The following CD96 variants were observed in gnomAD, a reference collection of about 807,000 sequenced individuals.
CD96 encodes CD96 molecule.
A neutral mutation model predicts 71.3 loss-of-function variants in CD96; 70 were observed. That is an observed-to-expected ratio of 0.98 (90% CI 0.81 to 1.20). The LOEUF (loss-of-function observed/expected upper bound fraction) is 1.20. Among genes scored for constraint, CD96 ranks in the 50% most tolerant of loss-of-function variants. The pLI is 0.00. For missense variants in CD96, 742 were observed against 677.5 expected (o/e 1.10, Z -1.06); for synonymous variants, 248 against 233.0 (o/e 1.06, Z -0.59).
chr3:111,590,182 T>C (rs544171685), intron 5 of CD96, among the ~76,000 whole-genome samples: 2 of 152,344 alleles, frequency 1.3e-5, no homozygotes, highest in Middle Eastern at 3.4e-3. Flanking sequence ...CCAGCACTTA[T>C]TAACTCTGGC....
chr3:111,574,644 C>T (rs1375491785), intron 3 of CD96, among the ~76,000 whole-genome samples: 1 of 152,114 alleles, frequency 6.6e-6, no homozygotes, highest in Non-Finnish European at 1.5e-5. Flanking sequence ...AGCTCCTATA[C>T]ATAATTTAAT....
intron 5 of CD96, among the ~76,000 whole-genome samples, chr3:111,597,802 AT>A (rs1372590040): frequency 6.6e-6 from 1 of 152,094 alleles, no homozygotes; most frequent in Non-Finnish European, 1.5e-5. Context: ...TCCATTTAGT[AT>A]TATTTTATTC....
intron 12 of CD96, among the ~76,000 whole-genome samples, chr3:111,639,246 G>T (rs909366470): frequency 2.0e-5 from 3 of 152,102 alleles, no homozygotes; most frequent in Non-Finnish European, 4.4e-5. Flanking sequence ...AGCCCATCTC[G>T]CCCTCCACCT....
At chr3:111,549,638 GA>G (rs1450389657) in intron 2 of CD96, among the ~76,000 whole-genome samples, 1 of 152,098 alleles carries the variant, frequency 6.6e-6, no homozygotes, top group East Asian at 1.9e-4. Flanking sequence ...GTTTAGATTA[GA>G]AACTTGTGTA....
At chr3:111,624,452 C>A in intron 10 of CD96, 48 bp downstream of exon 10, 1 of 1,016,710 alleles carries the variant, frequency 9.8e-7, no homozygotes, top group Non-Finnish European at 1.6e-6. Flanking sequence ...TTCAGTCATT[C>A]ATCCGACAGA....
intron 12 of CD96, among the ~76,000 whole-genome samples, chr3:111,642,100 G>A (rs1357273862): frequency 6.6e-6 from 1 of 151,990 alleles, no homozygotes; most frequent in Non-Finnish European, 1.5e-5. Flanking sequence ...AGAGAAACAA[G>A]AACAAACTGA....
At position 111,579,227 on chromosome 3, in the gene CD96, G is replaced by A; in HGVS notation, c.744G>A (p.Lys248=). 1.3e-6 allele frequency: 2 copies of A among 1,579,114 alleles called. No individual in the cohort carries two copies. The highest frequency in any genetic ancestry group is 1.7e-6 in the Non-Finnish European group (2 of 1,147,968). ...TCTTGAGGAGCTCCACCACAGTCAA[G>A]GTTTTTGGTAAGGGCTTTTGTTCTA... ...NKILRSSTTV[K]VFAKPEIPVI... is the part of the protein sequence containing the mutation. The change falls in exon 4 of 14, where the codon AAG becomes AAA. Residue 248 remains lysine, a synonymous_variant. Transcript: ENST00000352690.
At chr3:111,567,703 T>C (rs1935786828) in intron 3 of CD96, 56 bp downstream of exon 3, 3 of 1,456,124 alleles carry the variant, frequency 2.1e-6, no homozygotes, top group Admixed American at 1.7e-5. Flanking sequence ...ATTAACGAAG[T>C]AAAATGAATA....
intron 14 of CD96, among the ~76,000 whole-genome samples, chr3:111,659,424 A>G (rs1295351043): frequency 6.6e-6 from 1 of 151,938 alleles, no homozygotes; most frequent in Non-Finnish European, 1.5e-5. Flanking sequence ...TTGGTTTTCT[A>G]TTCTTTTAGG....
chr3:111,615,559 T>G (rs1938188982), intron 8 of CD96, among the ~76,000 whole-genome samples: 1 of 152,210 alleles, frequency 6.6e-6, no homozygotes, highest in Non-Finnish European at 1.5e-5. Flanking sequence ...AGTGGCTGAT[T>G]GACCAGTCTG....
At chr3:111,588,569 C>T (rs1936822100) in intron 5 of CD96, among the ~76,000 whole-genome samples, 1 of 152,222 alleles carries the variant, frequency 6.6e-6, no homozygotes, top group South Asian at 2.1e-4. Context: ...AGTGCCCACT[C>T]TTCTGATACC....
Position 111,652,221 on chromosome 3 carries a change from T to G in CD96, c.*2415T>G, listed in dbSNP as rs908062044. ...CTATACAGCTCAACAACTAGAAAAA[T>G]AAACTGTTTACCTGCCTTAATTATT... On this transcript the variant is annotated 3_prime_UTR_variant, in exon 14 of 14. Coordinates refer to ENST00000352690, the MANE Select transcript of CD96 (RefSeq NM_005816.5). The G allele has an allele frequency of 6.6e-6, 1 of 152,128 alleles. No homozygotes were observed. Among genetic ancestry groups the G allele is most frequent in the South Asian group, 2.1e-4 (1 of 4,828 alleles). The allele number at this position is 152,128 out of a possible 1,614,324, so 9.4% of individuals were successfully genotyped here. A position where few individuals can be genotyped will look rare whatever the true frequency, so the allele number is the denominator to read the frequency against.
rs1935951999 is a variant in CD96, at chr3:111,570,954, C to T, written c.543+3307C>T. ...GTCAAAGTAGGGGGTCTTGAGTGGG[C>T]TGTGCTCTGAGGCCACCAGAGTGAA... On this transcript the variant is annotated intron_variant, in intron 3 of 13. Coordinates refer to ENST00000352690, the MANE Select transcript of CD96 (RefSeq NM_005816.5). 1.0e-5 allele frequency: 16 copies of T among 1,554,842 alleles called. No individual in the cohort carries two copies. The South Asian group carries it at 1.8e-4, about 17-fold the overall frequency.
chr3:111,588,954 CTT>C (rs772858162), intron 5 of CD96, among the ~76,000 whole-genome samples: 12,645 of 135,974 alleles, frequency 0.093, 696 homozygotes, highest in African/African-American at 0.19. Flanking sequence ...CTTTTTTTTT[CTT>C]TTTTTTTTTT....
At chr3:111,618,463 G>A (rs1052181797) in intron 8 of CD96, among the ~76,000 whole-genome samples, 1 of 152,090 alleles carries the variant, frequency 6.6e-6, no homozygotes, top group Non-Finnish European at 1.5e-5. Context: ...TGTCCAGTTT[G>A]AGAAGAAATG....
intron 2 of CD96, among the ~76,000 whole-genome samples, chr3:111,567,050 C>T (rs1421404847): frequency 6.6e-6 from 1 of 152,092 alleles, no homozygotes; most frequent in East Asian, 1.9e-4. Context: ...AGGATGTCCA[C>T]AGTGGGGGAG....
chr3:111,647,394 G>C (rs1403178046), intron 12 of CD96, 149 bp from the exon 13 acceptor site: 1 of 754,634 alleles, frequency 1.3e-6, no homozygotes, highest in Non-Finnish European at 2.4e-6. Flanking sequence ...ACCTCATGTA[G>C]GTAACAAGGC....
chr3:111,648,718 G>A (rs1939945308), intron 13 of CD96, among the ~76,000 whole-genome samples: 1 of 151,868 alleles, frequency 6.6e-6, no homozygotes, highest in Non-Finnish European at 1.5e-5. Flanking sequence ...TTTATATGGA[G>A]ATGAGAATCA....
At chr3:111,641,764 A>C (rs1371619131) in intron 12 of CD96, among the ~76,000 whole-genome samples, 1 of 152,238 alleles carries the variant, frequency 6.6e-6, no homozygotes, top group African/African-American at 2.4e-5. Flanking sequence ...ATGAGCTTCA[A>C]TAAATTTAAG....
Sources: allele counts gnomAD v4.1 joint callset (sites outside exome capture counted in the v4.1 genomes callset), GRCh38; gene constraint gnomAD v4.1.1; transcripts MANE v1.5; gene names NCBI Gene and HGNC (gene_info 2026-07-23, HGNC 2026-07-21).